The following FBXL2 variants were observed in gnomAD, a reference collection of about 807,000 sequenced individuals.
FBXL2 encodes the protein F-box/LRR-repeat protein 2.
Under a neutral mutation model 69.2 loss-of-function variants are expected in FBXL2, and 38 were observed. That is an observed-to-expected ratio of 0.55 (90% CI 0.42 to 0.72). FBXL2 has a LOEUF of 0.72. Among genes scored for constraint, FBXL2 ranks in the 30% least tolerant of loss-of-function variants. The pLI is 0.00. For missense variants in FBXL2, 354 were observed against 520.3 expected, an observed-to-expected ratio of 0.68 and a Z score of 3.11; for synonymous variants, 192 against 201.3, an observed-to-expected ratio of 0.95 and a Z score of 0.39.
intron 12 of FBXL2, chr3:33,403,093 C>A: frequency 1.9e-6 from 1 of 536,736 alleles, no homozygotes; most frequent in Non-Finnish European, 3.3e-6. Flanking sequence ...CTGCTGTGTG[C>A]GTCTAGACAC....
chr3:33,333,693 C>G (rs1031907743), intron 2 of FBXL2, among the ~76,000 whole-genome samples: 18 of 152,136 alleles, frequency 1.2e-4, no homozygotes, highest in Non-Finnish European at 1.5e-5. Context: ...CTGACTTAGA[C>G]ACTAAATCAC....
At chr3:33,340,576 T>TAAAAAA (rs111348589) in intron 2 of FBXL2, among the ~76,000 whole-genome samples, 1 of 110,124 alleles carries the variant, frequency 9.1e-6, no homozygotes, top group Non-Finnish European at 1.8e-5. Flanking sequence ...TTATTTTGAT[T>TAAAAAA]AAAAAAAAAA....
At chr3:33,300,743 C>G (rs191242183) in intron 2 of FBXL2, among the ~76,000 whole-genome samples, 196 of 147,378 alleles carry the variant, frequency 1.3e-3, no homozygotes, top group Admixed American at 4.1e-3. Flanking sequence ...GAGTCTCGCT[C>G]TGTTGCCCAG....
intron 2 of FBXL2, among the ~76,000 whole-genome samples, chr3:33,319,673 T>C (rs2038028162): frequency 6.6e-6 from 1 of 152,214 alleles, no homozygotes; most frequent in Non-Finnish European, 1.5e-5. Context: ...TATTTTAATG[T>C]ATGAGTTATT....
chr3:33,309,727 A>AT (rs2037024675), intron 2 of FBXL2, among the ~76,000 whole-genome samples: 1 of 151,808 alleles, frequency 6.6e-6, no homozygotes, highest in South Asian at 2.1e-4. Flanking sequence ...TGATTATATG[A>AT]TTTTTCTGTA....
chr3:33,391,719 A>G (rs2043771864), downstream of FBXL2: 1 of 152,242 alleles, frequency 6.6e-6, no homozygotes, highest in African/African-American at 2.4e-5. Flanking sequence ...GTAAGATACC[A>G]TCACCTTTCA....
the FBXL2 span, among the ~76,000 whole-genome samples, chr3:33,421,632 C>G: frequency 1.3e-5 from 2 of 152,232 alleles, no homozygotes; most frequent in Admixed American, 1.3e-4. Context: ...CAAAAAATGA[C>G]ACTAAGACAT....
rs993009816 is a variant in FBXL2 at position 33,387,871 on chromosome 3, A to G, written c.*2263A>G. The G allele has an allele frequency of 2.0e-5, 3 of 152,126 alleles. No homozygotes were observed. Among genetic ancestry groups the G allele is most frequent in the African/African-American group, 7.2e-5 (3 of 41,402 alleles). 9.4% of individuals were successfully genotyped at this position (152,126 alleles called of 1,614,324 possible). ...ATCGTGAGATCAGGAGATCAAGACC[A>G]TCCTGGCTAACACAGTGAAACCCCG... On this transcript the variant is annotated 3_prime_UTR_variant, in exon 15 of 15. Transcript: ENST00000484457.
intron 13 of FBXL2, among the ~76,000 whole-genome samples, chr3:33,380,393 C>T (rs182803051): frequency 6.6e-6 from 1 of 151,434 alleles, no homozygotes; most frequent in African/African-American, 2.4e-5. Context: ...CCTGTCTCTA[C>T]TAAAAATACA....
chr3:33,420,488 C>CTTTT, the FBXL2 span, among the ~76,000 whole-genome samples: 108 of 120,608 alleles, frequency 9.0e-4, 5 homozygotes, highest in East Asian at 0.015. Flanking sequence ...ACCATACTGG[C>CTTTT]TTTTTTTTTT....
intron 1 of FBXL2, among the ~76,000 whole-genome samples, chr3:33,286,861 T>G (rs2034682469): frequency 6.6e-6 from 1 of 152,216 alleles, no homozygotes; most frequent in Non-Finnish European, 1.5e-5. Context: ...AATTTCCTGG[T>G]GTGCCGTTTG....
the FBXL2 span, among the ~76,000 whole-genome samples, chr3:33,412,983 C>G: frequency 6.6e-6 from 1 of 152,092 alleles, no homozygotes; most frequent in Non-Finnish European, 1.5e-5. Context: ...CCCTTGGATA[C>G]CTGGATTACG....
Position 33,394,191 on chromosome 3 carries a change from T to TTTATTATTATTATTATTA in FBXL2, n.1214+8481_1214+8498dup, listed in dbSNP as rs148929407. ...CACACGCCACCATGCCTGGCTAATTTTTATTATTATTATTATTATTATTAT... is the reference window on the plus strand; with the variant it reads ...CACACGCCACCATGCCTGGCTAATTTTTATTATTATTATTATTATTATTATTATTATTATTATTATTAT... On this transcript the variant is annotated intron_variant and non_coding_transcript_variant, in intron 12 of 12. Transcript: ENST00000463736. Among the ~76,000 whole-genome samples, 530 of 143,410 alleles carry TTTATTATTATTATTATTA rather than the reference T, an allele frequency of 3.7e-3. 4 individuals carry two copies. Among genetic ancestry groups the TTTATTATTATTATTATTA allele is most frequent in the South Asian group, 6.2e-3 (28 of 4,484 alleles). 94.1% of individuals were successfully genotyped at this position (143,410 alleles called of 152,430 possible). A position where few individuals can be genotyped will look rare whatever the true frequency, so the allele number is the denominator to read the frequency against.
chr3:33,359,210 G>T (rs1169861543), intron 3 of FBXL2, 73 bp from the exon 4 acceptor site: 1 of 1,335,496 alleles, frequency 7.5e-7, no homozygotes, highest in South Asian at 1.3e-5. Flanking sequence ...GGTTAATCAA[G>T]ACTTTCTTTA....
At chr3:33,327,730 C>T (rs149896784) in intron 2 of FBXL2, among the ~76,000 whole-genome samples, 21 of 152,238 alleles carry the variant, frequency 1.4e-4, no homozygotes, top group African/African-American at 5.1e-4. Context: ...AATTTTGGGA[C>T]ATATACAATC....
intron 2 of FBXL2, among the ~76,000 whole-genome samples, chr3:33,321,003 GACAA>G (rs1169238492): frequency 2.0e-5 from 3 of 151,678 alleles, no homozygotes; most frequent in Non-Finnish European, 4.4e-5. Context: ...ATAAGAAAAC[GACAA>G]ACAATCTAAC....
intron 5 of FBXL2, chr3:33,372,547 A>C (rs1283685608): frequency 6.2e-6 from 1 of 160,180 alleles, no homozygotes; most frequent in Non-Finnish European, 1.4e-5. Context: ...ACCAACCCAC[A>C]GATCAATGAG....
intron 2 of FBXL2, among the ~76,000 whole-genome samples, chr3:33,328,833 G>GTT (rs1033632792): frequency 1.3e-5 from 2 of 148,268 alleles, no homozygotes; most frequent in Non-Finnish European, 1.5e-5. Flanking sequence ...GTGTGTGTGT[G>GTT]TAAGACCTCA....
chr3:33,396,663 T>G (rs574389062), intron 12 of FBXL2: 19 of 412,918 alleles, frequency 4.6e-5, no homozygotes, highest in Non-Finnish European at 8.3e-5. Context: ...TTCTGTCATT[T>G]TAATTCACAA....
Sources: gnomAD v4.1 joint callset for allele counts (sites outside exome capture counted in the v4.1 genomes callset) on GRCh38, gnomAD v4.1.1 for gene constraint, MANE v1.5 for transcripts, NCBI Gene and HGNC (gene_info 2026-07-23, HGNC 2026-07-21) for gene names.